The following FER1L6 variants were observed in gnomAD, a reference collection of about 807,000 sequenced individuals.
FER1L6 encodes fer-1-like protein 6.
Under a neutral mutation model 219.2 loss-of-function variants are expected in FER1L6, and 177 were observed. The ratio of observed to expected loss-of-function variants is 0.81; its 90% confidence interval spans 0.71 to 0.91. The LOEUF is 0.91. Among genes scored for constraint, FER1L6 ranks in the 40% least tolerant of loss-of-function variants. The probability of loss-of-function intolerance (pLI) is 0.00; values close to 1 mark genes in which losing one functional copy is unlikely to be tolerated. For missense variants in FER1L6, 2,153 were observed against 2,259.9 expected, an observed-to-expected ratio of 0.95 and a Z score of 0.96; for synonymous variants, 768 against 824.3, an observed-to-expected ratio of 0.93 and a Z score of 1.17.
rs1333219538 is a variant in FER1L6 at position 124,111,886 on chromosome 8, C to T, written c.5290-6958C>T. ...AATGCCTTAACCGTCGGGAATGCAG[C>T]CCAGTAGGTCTCAGCTCCATTGTAC... On this transcript the variant is annotated intron_variant, in intron 39 of 40. Coordinates refer to ENST00000522917, the MANE Select transcript of FER1L6 (RefSeq NM_001039112.2). The surrounding 1 kb of genome is among the most constrained non-coding windows in gnomAD (Gnocchi z 5.0). 6.6e-6 allele frequency among the ~76,000 whole-genome samples: 1 copy of T among 152,124 alleles called. No individual in the cohort carries two copies. The highest frequency in any genetic ancestry group is 1.5e-5 in the Non-Finnish European group (1 of 68,024).
intron 18 of FER1L6, among the ~76,000 whole-genome samples, chr8:124,034,459 G>A (rs1021592439): frequency 1.8e-4 from 27 of 152,158 alleles, no homozygotes; most frequent in African/African-American, 6.0e-4. Context: ...ATAAGTACAT[G>A]CACACACAGG....
chr8:123,950,961 G>C (rs375020877), intron 1 of FER1L6, among the ~76,000 whole-genome samples: 1 of 152,174 alleles, frequency 6.6e-6, no homozygotes, highest in Non-Finnish European at 1.5e-5. Context: ...CAATTTTGTG[G>C]GCTAATTGTA....
chr8:123,870,900 G>C (rs1351137647), intron 1 of FER1L6, among the ~76,000 whole-genome samples: 1 of 152,182 alleles, frequency 6.6e-6, no homozygotes, highest in Non-Finnish European at 1.5e-5. Flanking sequence ...CAACCTCACT[G>C]AAAGGGCTGG....
At chr8:124,018,875 T>C (rs1021989298) in intron 16 of FER1L6, among the ~76,000 whole-genome samples, 1 of 152,222 alleles carries the variant, frequency 6.6e-6, no homozygotes, top group Non-Finnish European at 1.5e-5. Flanking sequence ...ATCTCTCACC[T>C]TAAGTAGCCA....
At chr8:123,972,986 G>T (rs986838483) in intron 6 of FER1L6, among the ~76,000 whole-genome samples, 3 of 152,192 alleles carry the variant, frequency 2.0e-5, no homozygotes, top group African/African-American at 7.2e-5. Flanking sequence ...TCTCACCGTT[G>T]TACATGCCTA....
In FER1L6 at chr8:124,107,990, G is replaced by C. The variant is rs375987579; in HGVS notation, c.5289+4681G>C. Among the ~76,000 whole-genome samples the C allele has an allele frequency of 1.7e-4, 26 of 152,318 alleles. No homozygotes were observed. In the South Asian group the frequency reaches 5.0e-3, roughly 29 times the overall value. On this transcript the variant is annotated intron_variant, in intron 39 of 40. Transcript: ENST00000522917. ...TAAAAGCTTTCTGGATTGTCCTAGG[G>C]ATTGTGATCAGTAATAATGAGAGGG...
At chr8:124,065,264 G>T (rs1453404366) in intron 26 of FER1L6, among the ~76,000 whole-genome samples, 1 of 151,780 alleles carries the variant, frequency 6.6e-6, no homozygotes, top group Admixed American at 6.6e-5. Context: ...AGCCAGGTGT[G>T]GTGGCACTCA....
intron 1 of FER1L6, among the ~76,000 whole-genome samples, chr8:123,865,373 G>A (rs1816816132): frequency 6.7e-6 from 1 of 149,966 alleles, no homozygotes; most frequent in Non-Finnish European, 1.5e-5. Context: ...GAGAACCACT[G>A]CTCTCTTCAA....
At chr8:124,110,377 C>T (rs1474903300) in intron 39 of FER1L6, among the ~76,000 whole-genome samples, 3 of 152,194 alleles carry the variant, frequency 2.0e-5, no homozygotes, top group Admixed American at 6.5e-5. Flanking sequence ...GAGATTCAAA[C>T]ACAAGCAGTT....
At chr8:123,994,821 C>A (rs1289224666) in intron 12 of FER1L6, among the ~76,000 whole-genome samples, 2 of 152,216 alleles carry the variant, frequency 1.3e-5, no homozygotes, top group Non-Finnish European at 2.9e-5. Context: ...TCTACAAGGT[C>A]CCCTGTGAGG....
intron 1 of FER1L6, among the ~76,000 whole-genome samples, chr8:123,928,972 T>C (rs1813666941): frequency 6.6e-6 from 1 of 152,094 alleles, no homozygotes; most frequent in African/African-American, 2.4e-5. Context: ...GTGAAATAGG[T>C]ATTATTATGA....
chr8:123,996,428 T>C (rs538601827), intron 12 of FER1L6, among the ~76,000 whole-genome samples: 2 of 152,286 alleles, frequency 1.3e-5, no homozygotes, highest in African/African-American at 4.8e-5. Flanking sequence ...GAAATCTACT[T>C]TATGTGATAT....
intron 1 of FER1L6, among the ~76,000 whole-genome samples, chr8:123,864,374 G>A (rs965317390): frequency 4.0e-5 from 6 of 149,406 alleles, no homozygotes; most frequent in Non-Finnish European, 8.9e-5. Context: ...GCTTCCCTTT[G>A]AGGGTAACCC....
intron 1 of FER1L6, among the ~76,000 whole-genome samples, chr8:123,909,200 G>C (rs1771010950): frequency 6.6e-6 from 1 of 152,126 alleles, no homozygotes; most frequent in African/African-American, 2.4e-5. Context: ...GTTACAGAAA[G>C]ATGAAGAGGG....
chr8:123,853,247 C>G lies in FER1L6; in HGVS notation c.-8+1062C>G, dbSNP rs1816555437. Among the ~76,000 whole-genome samples, 1 of 152,182 alleles carries G rather than the reference C, an allele frequency of 6.6e-6. No homozygotes were observed. The highest frequency in any genetic ancestry group is 1.5e-5 in the Non-Finnish European group (1 of 68,030). ...TTGGCTCACTGCAGCCGCCACCTCC[C>G]AGGTTCAAGTGAGTCTCGTGCCTCA... On this transcript the variant is annotated intron_variant, in intron 1 of 40. Coordinates refer to ENST00000522917, the MANE Select transcript of FER1L6 (RefSeq NM_001039112.2). The surrounding 1 kb of genome is among the most constrained non-coding windows in gnomAD (Gnocchi z 6.6).
intron 1 of FER1L6, among the ~76,000 whole-genome samples, chr8:123,888,584 G>A (rs1817247990): frequency 6.6e-6 from 1 of 152,174 alleles, no homozygotes; most frequent in Admixed American, 6.6e-5. Context: ...CTCTGGTACT[G>A]TTTGGCCCCA....
chr8:123,907,905 C>T (rs187214297), intron 1 of FER1L6, among the ~76,000 whole-genome samples: 1 of 151,962 alleles, frequency 6.6e-6, no homozygotes, highest in Non-Finnish European at 1.5e-5. Context: ...ACACATGGGA[C>T]ATTCACAACA....
Position 124,023,001 on chromosome 8 carries a change from C to T in FER1L6, c.2134-443C>T, listed in dbSNP as rs571368324. 2.0e-3 allele frequency among the ~76,000 whole-genome samples: 298 copies of T among 152,182 alleles called. 7 individuals carry two copies. The highest frequency in any genetic ancestry group is 1.2e-3 in the African/African-American group (49 of 41,514). Reference sequence around the variant, plus strand: ...GATCTCGGCTCACTGCAACCTCCTCCGCCTCCTGGGTTCAAGCGATTCTTC... The same window carrying T: ...GATCTCGGCTCACTGCAACCTCCTCTGCCTCCTGGGTTCAAGCGATTCTTC... On this transcript the variant is annotated intron_variant, in intron 17 of 40. Transcript: ENST00000522917.
chr8:123,933,014 C>G (rs1287705940), intron 1 of FER1L6, among the ~76,000 whole-genome samples: 1 of 152,208 alleles, frequency 6.6e-6, no homozygotes, highest in Non-Finnish European at 1.5e-5. Context: ...CATTCAACCT[C>G]TGTGAGCCCC....
Sources: gnomAD v4.1 joint callset for allele counts (sites outside exome capture counted in the v4.1 genomes callset) on GRCh38, gnomAD v4.1.1 for gene constraint, Gnocchi (gnomAD v3.1) non-coding constraint, MANE v1.5 for transcripts, NCBI Gene and HGNC (gene_info 2026-07-23, HGNC 2026-07-21) for gene names.